The following B4GALNT2 variants were observed in gnomAD, a reference collection of about 807,000 sequenced individuals.
The protein encoded by B4GALNT2 is beta-1,4-N-acetyl-galactosaminyltransferase 2 (SID blood group).
In B4GALNT2, 42 loss-of-function variants were observed where a neutral mutation model predicts 51.1. That is an observed-to-expected ratio of 0.82 (90% CI 0.64 to 1.06). The LOEUF is 1.06. B4GALNT2 is among the 50% of genes least tolerant of loss of function. The pLI is 0.00. For synonymous variants in B4GALNT2, 253 were observed against 251.7 expected, an observed-to-expected ratio of 1.01 and a Z score of -0.05; for missense variants, 602 against 633.6, an observed-to-expected ratio of 0.95 and a Z score of 0.54.
Position 49,169,783 on chromosome 17 carries a change from G to A in B4GALNT2, c.*55G>A. 1 of 1,458,326 alleles carries A rather than the reference G, an allele frequency of 6.9e-7. No individual in the cohort carries two copies. Among genetic ancestry groups the A allele is most frequent in the Non-Finnish European group, 9.1e-7 (1 of 1,093,518 alleles). The allele number at this position is 1,458,326 out of a possible 1,614,324, so 90.3% of individuals were successfully genotyped here. ...CTGGCTGGTTATGGTATCTATAGCA[G>A]GCCACCAAAAACTGGACTCCTGATA... On this transcript the variant is annotated 3_prime_UTR_variant, in exon 11 of 11. Transcript: ENST00000393354.
chr17:49,161,127 T>C (rs1436185764), intron 7 of B4GALNT2, among the ~76,000 whole-genome samples: 1 of 151,902 alleles, frequency 6.6e-6, no homozygotes, highest in African/African-American at 2.4e-5. Context: ...ATACACAAAT[T>C]AGCTGGGCGT....
chr17:49,129,797 G>A (rs1260326226), upstream of B4GALNT2, among the ~76,000 whole-genome samples: 2 of 152,144 alleles, frequency 1.3e-5, no homozygotes, highest in Non-Finnish European at 2.9e-5. Flanking sequence ...GTTGGGGAGG[G>A]ATTTATCTTA....
Position 49,168,673 on chromosome 17 carries a change from C to T in B4GALNT2, c.1096-8C>T. On this transcript the variant is annotated splice_region_variant and splice_polypyrimidine_tract_variant and intron_variant, in intron 9 of 10. Transcript: ENST00000393354. The stretch of plus-strand genomic sequence containing the variant: ...ACTCTAACATGGATTTCTCTGCCTG[C>T]TGGCTAGGTAGGCGGCAGTGTGCTG... The T allele has an allele frequency of 6.2e-7, 1 of 1,611,874 alleles. No homozygotes were observed. Among genetic ancestry groups the T allele is most frequent in the African/African-American group, 1.3e-5 (1 of 75,012 alleles).
intron 5 of B4GALNT2, among the ~76,000 whole-genome samples, chr17:49,158,636 CAAA>C (rs770885158): frequency 7.1e-4 from 53 of 74,158 alleles, no homozygotes; most frequent in African/African-American, 2.6e-3. Flanking sequence ...GACTCCATCT[CAAA>C]AAAAAAAAAA....
the B4GALNT2 span, among the ~76,000 whole-genome samples, chr17:49,124,965 A>C: frequency 6.6e-6 from 1 of 152,154 alleles, no homozygotes; most frequent in East Asian, 1.9e-4. Flanking sequence ...TTAAACCTTC[A>C]TTTTTATTTT....
intron 1 of B4GALNT2, chr17:49,133,273 G>T: frequency 7.0e-7 from 1 of 1,436,610 alleles, no homozygotes; most frequent in Non-Finnish European, 9.0e-7. Flanking sequence ...CGGGGAGCCC[G>T]GCGGCTTGGT....
chr17:49,152,511 TA>T (rs1394901657), intron 3 of B4GALNT2, among the ~76,000 whole-genome samples: 1 of 151,972 alleles, frequency 6.6e-6, no homozygotes, highest in Non-Finnish European at 1.5e-5. Flanking sequence ...CTGTCTCTAC[TA>T]AAAATACAAC....
intron 3 of B4GALNT2, among the ~76,000 whole-genome samples, chr17:49,143,126 G>A (rs2042660441): frequency 6.6e-6 from 1 of 152,092 alleles, no homozygotes; most frequent in South Asian, 2.1e-4. Context: ...ACGCACGCTT[G>A]TAATCCCAGC....
Position 49,169,617 on chromosome 17 carries a change from A to G in B4GALNT2, c.1410A>G (p.Glu470=), listed in dbSNP as rs16946912. The change falls in exon 11 of 11, where the codon GAA becomes GAG. Residue 470 remains glutamate, a synonymous_variant. Coordinates refer to ENST00000393354, the MANE Select transcript of B4GALNT2 (RefSeq NM_001159387.2). The stretch of plus-strand genomic sequence containing the variant: ...CTCGGTCTCCAGTGGTGGACTCAGA[A>G]CTGGCTGCCCTAGAGAAGACCTACA... The part of the protein sequence containing the change: ...HQSRSPVVDS[E]LAALEKTYNT... 174,901 of 1,613,098 alleles carry G rather than the reference A, an allele frequency of 0.11. 10,474 individuals carry two copies. Among genetic ancestry groups the G allele is most frequent in the South Asian group, 0.19 (17,407 of 90,998 alleles).
intron 9 of B4GALNT2, among the ~76,000 whole-genome samples, chr17:49,167,348 A>T (rs559374259): frequency 1.3e-5 from 2 of 152,228 alleles, no homozygotes; most frequent in African/African-American, 4.8e-5. Context: ...CGTTTCTCGC[A>T]TCGGTTCTAA....
At chr17:49,126,463 C>T in the B4GALNT2 span, among the ~76,000 whole-genome samples, 1 of 149,426 alleles carries the variant, frequency 6.7e-6, no homozygotes, top group Non-Finnish European at 1.5e-5. Context: ...CCTGCCAAAT[C>T]CCCCTCTGTG....
At chr17:49,128,470 T>TGAAGGAAGGAGTTTC (rs2042521539), upstream of B4GALNT2, among the ~76,000 whole-genome samples, 1 of 152,070 alleles carries the variant, frequency 6.6e-6, no homozygotes. Flanking sequence ...GAAGGAGTTT[T>TGAAGGAAGGAGTTTC]GAAGGAAGGA....
intron 1 of B4GALNT2, chr17:49,133,292 C>T: frequency 1.4e-6 from 2 of 1,416,252 alleles, no homozygotes; most frequent in Non-Finnish European, 1.8e-6. Flanking sequence ...GTCTCCTCCA[C>T]AGTCCGCGCG....
In B4GALNT2 at chr17:49,171,197, T is replaced by C. The variant is rs902734433; in HGVS notation, c.*1469T>C. The C allele has an allele frequency of 4.4e-6, 1 of 226,698 alleles. No homozygotes were observed. Among genetic ancestry groups the C allele is most frequent in the African/African-American group, 2.4e-5 (1 of 41,954 alleles). 14.0% of individuals were successfully genotyped at this position (226,698 alleles called of 1,614,324 possible). A position where few individuals can be genotyped will look rare whatever the true frequency, so the allele number is the denominator to read the frequency against. On this transcript the variant is annotated 3_prime_UTR_variant, in exon 11 of 11. Coordinates refer to ENST00000393354, the MANE Select transcript of B4GALNT2 (RefSeq NM_001159387.2). Reference sequence around the variant, plus strand: ...CCAAAGTGATAAAAGCAAAGGCAGCTTTGTCATGGTGAGCTAATTCTCACA... The same window carrying C: ...CCAAAGTGATAAAAGCAAAGGCAGCCTTGTCATGGTGAGCTAATTCTCACA...
intron 7 of B4GALNT2, among the ~76,000 whole-genome samples, chr17:49,162,441 C>T (rs1307027967): frequency 6.6e-6 from 1 of 152,166 alleles, no homozygotes; most frequent in Non-Finnish European, 1.5e-5. Flanking sequence ...AGCATATCAA[C>T]TGTGGTTAGG....
intron 6 of B4GALNT2, among the ~76,000 whole-genome samples, chr17:49,160,354 G>C (rs1172423209): frequency 1.3e-5 from 2 of 152,136 alleles, no homozygotes; most frequent in African/African-American, 4.8e-5. Flanking sequence ...TGTGAACTTA[G>C]GAGTCATTCA....
chr17:49,159,502 C>T (rs140380239), intron 6 of B4GALNT2, among the ~76,000 whole-genome samples: 56 of 152,176 alleles, frequency 3.7e-4, no homozygotes, highest in African/African-American at 1.2e-3. Context: ...CCACCATGCC[C>T]GGCTAATTTT....
intron 3 of B4GALNT2, among the ~76,000 whole-genome samples, chr17:49,149,541 G>A (rs60558672): frequency 0.16 from 24,792 of 151,994 alleles, 2,340 homozygotes; most frequent in East Asian, 0.44. Context: ...CAGCTAGTCA[G>A]GAGGCTGAGG....
At chr17:49,160,527 T>C (rs767470275) in intron 6 of B4GALNT2, 28 bp from the exon 7 acceptor site, 1 of 1,598,832 alleles carries the variant, frequency 6.3e-7, no homozygotes, top group Non-Finnish European at 8.6e-7. Context: ...TGATACTCCC[T>C]GTGCCATTAT....
Sources: allele counts gnomAD v4.1 joint callset (sites outside exome capture counted in the v4.1 genomes callset), GRCh38; gene constraint gnomAD v4.1.1; transcripts MANE v1.5; gene names NCBI Gene and HGNC (gene_info 2026-07-23, HGNC 2026-07-21).